The following LRRTM3 variants were observed in gnomAD, a reference collection of about 807,000 sequenced individuals.
The protein encoded by LRRTM3 is leucine-rich repeat transmembrane neuronal protein 3.
LRRTM3 carries 24 observed loss-of-function variants against 44.7 expected under a neutral mutation model. The observed-to-expected ratio is 0.54, with a 90% CI of 0.39 to 0.76. The LOEUF (loss-of-function observed/expected upper bound fraction) is 0.76. Among genes scored for constraint, LRRTM3 ranks in the 30% least tolerant of loss-of-function variants. The pLI is 0.00. For synonymous variants in LRRTM3, 277 were observed against 278.7 expected (o/e 0.99, Z 0.06); for missense variants, 587 against 702.2 (o/e 0.84, Z 1.85).
chr10:66,991,506 C>T (rs574248850), intron 2 of LRRTM3, among the ~76,000 whole-genome samples: 1 of 152,176 alleles, frequency 6.6e-6, no homozygotes, highest in East Asian at 1.9e-4. Flanking sequence ...TTATAAAGTA[C>T]ACTAACAAAT....
rs532454481 is a variant in LRRTM3, at chr10:67,024,999, G to A, written c.1537-72588G>A. Among the ~76,000 whole-genome samples the A allele has an allele frequency of 4.9e-4, 74 of 151,762 alleles. No individual in the cohort carries two copies. The Middle Eastern group carries it at 0.01, about 21-fold the overall frequency. On this transcript the variant is annotated intron_variant, in intron 2 of 2. Coordinates refer to ENST00000361320, the MANE Select transcript of LRRTM3 (RefSeq NM_178011.5). ...TACAAAATTAGCCAGGTGTGGTGGC[G>A]CATGCCTGTAATCTCAGCTACTCGG...
rs116585488 is a variant in LRRTM3 at position 66,945,782 on chromosome 10, G to T, written c.1536+17330G>T. On this transcript the variant is annotated intron_variant, in intron 2 of 2. Transcript: ENST00000361320. ...ACTTGAACACTTAGAGACCACTGTA[G>T]GGTTATTAATGGGTGAAATTTCAAC... 5.6e-3 allele frequency among the ~76,000 whole-genome samples: 848 copies of T among 152,212 alleles called. 9 individuals are homozygous for T. Among genetic ancestry groups the T allele is most frequent in the African/African-American group, 0.019 (803 of 41,550 alleles).
chr10:67,025,129 C>CA (rs1206262968), intron 2 of LRRTM3, among the ~76,000 whole-genome samples: 4,218 of 25,248 alleles, frequency 0.17, 288 homozygotes, highest in African/African-American at 0.26. Flanking sequence ...AAAACTCTGT[C>CA]AAAAACAAAA....
At chr10:66,947,512 G>GT (rs1848335448) in intron 2 of LRRTM3, among the ~76,000 whole-genome samples, 1 of 151,896 alleles carries the variant, frequency 6.6e-6, no homozygotes, top group South Asian at 2.1e-4. Flanking sequence ...TGCCCTCTTT[G>GT]TTTCCCCCAC....
intron 2 of LRRTM3, among the ~76,000 whole-genome samples, chr10:67,014,610 T>C (rs1852543571): frequency 6.6e-6 from 1 of 152,116 alleles, no homozygotes. Context: ...CTTTAGTAGC[T>C]AATGGAAAAA....
intron 2 of LRRTM3, among the ~76,000 whole-genome samples, chr10:66,972,561 G>A (rs571147198): frequency 4.6e-4 from 70 of 151,976 alleles, no homozygotes; most frequent in African/African-American, 1.6e-3. Flanking sequence ...TCATTAACAG[G>A]CCCATCCAGA....
intron 2 of LRRTM3, among the ~76,000 whole-genome samples, chr10:67,093,176 A>G (rs1349279262): frequency 2.0e-5 from 3 of 151,170 alleles, no homozygotes; most frequent in Non-Finnish European, 4.4e-5. Flanking sequence ...CTTTAAATAG[A>G]GCCTTCCAAC....
In LRRTM3 at chr10:67,099,311, A is replaced by C. The variant is rs1037387556; in HGVS notation, c.*1515A>C. The C allele has an allele frequency of 6.6e-6, 1 of 151,634 alleles. No individual in the cohort carries two copies. The highest frequency in any genetic ancestry group is 2.4e-5 in the African/African-American group (1 of 41,370). 9.4% of individuals were successfully genotyped at this position (151,634 alleles called of 1,614,324 possible). ...AAATATTGTTACTTTATCAATAGTA[A>C]TCATGCATTCTTGTGTTTTTTTTTA... On this transcript the variant is annotated 3_prime_UTR_variant, in exon 3 of 3. Coordinates refer to ENST00000361320, the MANE Select transcript of LRRTM3 (RefSeq NM_178011.5).
At chr10:66,941,209 C>T (rs1383401854) in intron 2 of LRRTM3, among the ~76,000 whole-genome samples, 1 of 152,202 alleles carries the variant, frequency 6.6e-6, no homozygotes, top group Non-Finnish European at 1.5e-5. Flanking sequence ...TTAGAGCCTG[C>T]AGCTGAATGA....
chr10:67,077,519 C>T (rs149408661), intron 2 of LRRTM3, among the ~76,000 whole-genome samples: 1,592 of 152,220 alleles, frequency 0.01, 28 homozygotes, highest in African/African-American at 0.036. Context: ...TCATCCTTTG[C>T]ACAATGTTAC....
At chr10:66,992,800 C>A (rs987445716) in intron 2 of LRRTM3, among the ~76,000 whole-genome samples, 1 of 152,064 alleles carries the variant, frequency 6.6e-6, no homozygotes, top group Non-Finnish European at 1.5e-5. Context: ...AATTAATCCA[C>A]TAGTTCTTCC....
chr10:67,068,609 A>G (rs1209714153), intron 2 of LRRTM3, among the ~76,000 whole-genome samples: 1 of 152,208 alleles, frequency 6.6e-6, no homozygotes, highest in Non-Finnish European at 1.5e-5. Context: ...ATTATCAGAG[A>G]AAAAAAGACA....
At chr10:67,031,785 A>T (rs760262075) in intron 2 of LRRTM3, among the ~76,000 whole-genome samples, 7 of 152,228 alleles carry the variant, frequency 4.6e-5, no homozygotes, top group African/African-American at 1.2e-4. Flanking sequence ...CTCTGTTCTT[A>T]GAGTTCTGCA....
At position 66,983,919 on chromosome 10, in the gene LRRTM3, C is replaced by T. The variant is rs182396944; in HGVS notation, c.1536+55467C>T. Among the ~76,000 whole-genome samples the T allele has an allele frequency of 1.3e-3, 198 of 152,304 alleles. No individual in the cohort carries two copies. The Middle Eastern group carries it at 0.024, about 18-fold the overall frequency. ...GGCTCTATGCTAAGTCCTTTGCATG[C>T]ACTATGTCATTTAATTCTTAGAACA... On this transcript the variant is annotated intron_variant, in intron 2 of 2. Transcript: ENST00000361320.
At chr10:66,934,331 T>C (rs923761861) in intron 2 of LRRTM3, among the ~76,000 whole-genome samples, 1 of 152,160 alleles carries the variant, frequency 6.6e-6, no homozygotes, top group African/African-American at 2.4e-5. Flanking sequence ...TTTCTCTCAC[T>C]CTTAAATTGT....
chr10:66,936,319 TA>T (rs769018840), intron 2 of LRRTM3, among the ~76,000 whole-genome samples: 52 of 149,836 alleles, frequency 3.5e-4, no homozygotes, highest in South Asian at 1.1e-3. Context: ...TTCTTAATGT[TA>T]AAAAAAAAAT....
At chr10:66,971,537 A>G (rs1849725011) in intron 2 of LRRTM3, among the ~76,000 whole-genome samples, 1 of 152,190 alleles carries the variant, frequency 6.6e-6, no homozygotes, top group Admixed American at 6.5e-5. Context: ...GCCAGTTTTC[A>G]TCTTCTTTAA....
intron 2 of LRRTM3, among the ~76,000 whole-genome samples, chr10:67,016,654 G>T (rs978455010): frequency 8.5e-5 from 13 of 152,104 alleles, no homozygotes; most frequent in South Asian, 2.1e-4. Flanking sequence ...AAATATTTTT[G>T]GGGGAAAGGC....
intron 2 of LRRTM3, among the ~76,000 whole-genome samples, chr10:67,071,705 C>T (rs1448569646): frequency 2.0e-5 from 3 of 152,106 alleles, no homozygotes; most frequent in East Asian, 3.9e-4. Context: ...TGCATCTCCC[C>T]GTGTATTCTC....
Sources: gnomAD v4.1 joint callset for allele counts (sites outside exome capture counted in the v4.1 genomes callset) on GRCh38, gnomAD v4.1.1 for gene constraint, MANE v1.5 for transcripts, NCBI Gene and HGNC (gene_info 2026-07-23, HGNC 2026-07-21) for gene names.